Variants in TDRD3 observed in about 807,000 individuals in gnomAD.
The protein encoded by TDRD3 is tudor domain containing 3, also known as tudor domain-containing protein 3.
TDRD3 carries 45 observed loss-of-function variants against 86.7 expected under a neutral mutation model. The ratio of observed to expected loss-of-function variants is 0.52; its 90% CI spans 0.41 to 0.67. TDRD3 has a LOEUF of 0.67. Ranked by LOEUF, TDRD3 falls within the 30% of genes least tolerant of loss-of-function variation. The pLI, the probability that TDRD3 is intolerant of heterozygous loss-of-function variation, is 0.00. For missense variants in TDRD3, 814 were observed against 889.0 expected, an observed-to-expected ratio of 0.92 and a Z score of 1.07; for synonymous variants, 298 against 301.7, an observed-to-expected ratio of 0.99 and a Z score of 0.13.
intron 11 of TDRD3, among the ~76,000 whole-genome samples, chr13:60,533,461 TA>T (rs1176447682): frequency 2.0e-5 from 3 of 152,062 alleles, no homozygotes; most frequent in African/African-American, 7.2e-5. Flanking sequence ...GTCAACATGG[TA>T]AAAACCTGTC....
intron 10 of TDRD3, among the ~76,000 whole-genome samples, chr13:60,518,110 AG>A (rs1181496008): frequency 6.6e-6 from 1 of 152,228 alleles, no homozygotes; most frequent in East Asian, 1.9e-4. Flanking sequence ...TTAAGATGGC[AG>A]GCACAGTACC....
chr13:60,457,060 G>A (rs942851484), intron 3 of TDRD3, among the ~76,000 whole-genome samples: 3 of 151,990 alleles, frequency 2.0e-5, no homozygotes, highest in African/African-American at 4.8e-5. Flanking sequence ...ATTTTATTAT[G>A]TATATTTTAT....
intron 12 of TDRD3, among the ~76,000 whole-genome samples, chr13:60,539,130 A>G (rs1016166944): frequency 6.6e-6 from 1 of 152,126 alleles, no homozygotes; most frequent in African/African-American, 2.4e-5. Flanking sequence ...GCAAATTGTT[A>G]TCGTCTTTTA....
chr13:60,481,047 G>A (rs182814042), intron 5 of TDRD3, among the ~76,000 whole-genome samples: 12 of 152,238 alleles, frequency 7.9e-5, no homozygotes, highest in Non-Finnish European at 1.3e-4. Flanking sequence ...GGGTGGCAGC[G>A]AGGTCACAGG....
intron 1 of TDRD3, among the ~76,000 whole-genome samples, chr13:60,435,654 C>T (rs1955070577): frequency 6.6e-6 from 1 of 152,142 alleles, no homozygotes; most frequent in Non-Finnish European, 1.5e-5. Context: ...GCCACATTTT[C>T]TTTATTCACT....
At chr13:60,467,430 T>G in intron 5 of TDRD3, 51 bp downstream of exon 5, 1 of 1,586,286 alleles carries the variant, frequency 6.3e-7, no homozygotes, top group Non-Finnish European at 8.6e-7. Context: ...TCTTTTTTAT[T>G]GCATTAAAGA....
chr13:60,566,549 G>A (rs182228819), intron 12 of TDRD3, among the ~76,000 whole-genome samples: 30 of 152,244 alleles, frequency 2.0e-4, no homozygotes, highest in Non-Finnish European at 3.5e-4. Flanking sequence ...AATTTCCAAA[G>A]TAATGCAAAT....
intron 1 of TDRD3, among the ~76,000 whole-genome samples, chr13:60,420,199 A>G (rs1253479697): frequency 3.9e-5 from 6 of 152,130 alleles, no homozygotes; most frequent in Non-Finnish European, 7.4e-5. Context: ...ACAACAACAA[A>G]AAGAAATTGG....
chr13:60,540,663 A>G (rs1456876545), intron 12 of TDRD3, among the ~76,000 whole-genome samples: 1 of 152,194 alleles, frequency 6.6e-6, no homozygotes, highest in East Asian at 1.9e-4. Context: ...ATTTTAATTG[A>G]CCATTTAAAT....
intron 1 of TDRD3, among the ~76,000 whole-genome samples, chr13:60,399,415 A>G (rs1490917574): frequency 2.0e-5 from 3 of 152,214 alleles, no homozygotes; most frequent in Admixed American, 1.3e-4. Flanking sequence ...GGGGCTAAAA[A>G]CACTATCTTT....
intron 10 of TDRD3, among the ~76,000 whole-genome samples, chr13:60,521,754 G>C (rs1026360424): frequency 6.6e-6 from 1 of 152,068 alleles, no homozygotes; most frequent in African/African-American, 2.4e-5. Flanking sequence ...AAAATTGGCC[G>C]GGCATGGCAG....
chr13:60,543,950 T>C (rs1957874652), intron 12 of TDRD3, among the ~76,000 whole-genome samples: 1 of 151,756 alleles, frequency 6.6e-6, no homozygotes, highest in South Asian at 2.1e-4. Flanking sequence ...CATTATCGTT[T>C]TTGTAATATA....
At chr13:60,462,454 A>G (rs1355946824) in intron 4 of TDRD3, among the ~76,000 whole-genome samples, 1 of 152,212 alleles carries the variant, frequency 6.6e-6, no homozygotes, top group Non-Finnish European at 1.5e-5. Flanking sequence ...TGGTGCCGTA[A>G]AAATGGCAGC....
In TDRD3 at chr13:60,520,005, C is replaced by G. The variant is rs140203803; in HGVS notation, c.1142-8362C>G. 5.0e-3 allele frequency among the ~76,000 whole-genome samples: 755 copies of G among 152,238 alleles called. 3 individuals carry two copies. The highest frequency in any genetic ancestry group is 0.024 in the Middle Eastern group (7 of 294). ...CATGATTTGTTCATTTATAACAGCA[C>G]TAGTCTTATGCTTTATGCTAACTTT... is the stretch of plus-strand genomic sequence containing the variant. On this transcript the variant is annotated intron_variant, in intron 10 of 13. Transcript: ENST00000377881.
At chr13:60,570,634 C>T (rs1958566982) in intron 13 of TDRD3, among the ~76,000 whole-genome samples, 1 of 152,058 alleles carries the variant, frequency 6.6e-6, no homozygotes, top group African/African-American at 2.4e-5. Context: ...AAATTGTGGC[C>T]AAAGATTGTC....
chr13:60,460,266 T>C, intron 3 of TDRD3, 114 bp from the exon 4 acceptor site: 2 of 885,820 alleles, frequency 2.3e-6, no homozygotes, highest in Non-Finnish European at 3.2e-6. Context: ...TTGAAGTTAT[T>C]ATAAATCATA....
Position 60,454,794 on chromosome 13 carries a change from CT to C in TDRD3, c.193-5574del, listed in dbSNP as rs57374848. ...CTGAAATTTCTAACAATGTATATTT[CT>C]TTTTTTTTTTTATTTTTGTTTTCTT... On this transcript the variant is annotated intron_variant, in intron 3 of 13. Transcript: ENST00000377881. Among the ~76,000 whole-genome samples the C allele has an allele frequency of 9.3e-3, 1,347 of 145,344 alleles. 15 individuals are homozygous for C. Among genetic ancestry groups the C allele is most frequent in the African/African-American group, 0.024 (972 of 39,872 alleles).
At position 60,560,588 on chromosome 13, in the gene TDRD3, G is replaced by C. The variant is rs568376249; in HGVS notation, c.2119-6937G>C. Among the ~76,000 whole-genome samples the C allele has an allele frequency of 6.1e-3, 926 of 152,012 alleles. 20 individuals carry two copies. The East Asian group carries it at 0.073, about 12-fold the overall frequency. On this transcript the variant is annotated intron_variant, in intron 12 of 13. Coordinates refer to ENST00000377881, the MANE Select transcript of TDRD3 (RefSeq NM_001146070.2). ...GTTAGAGGAAGGACAATGATGAATA[G>C]TACTGTATTTGCTTCTAGTGTCATT...
At chr13:60,431,818 AAAAT>A (rs1954961182) in intron 1 of TDRD3, among the ~76,000 whole-genome samples, 1 of 151,922 alleles carries the variant, frequency 6.6e-6, no homozygotes, top group Admixed American at 6.6e-5. Context: ...ATTAATGAGT[AAAAT>A]AAATCTTATA....
Sources: allele counts gnomAD v4.1 joint callset (sites outside exome capture counted in the v4.1 genomes callset), GRCh38; gene constraint gnomAD v4.1.1; transcripts MANE v1.5; gene names NCBI Gene and HGNC (gene_info 2026-07-23, HGNC 2026-07-21).